Variants in SNX18 observed in about 807,000 individuals in gnomAD.
The protein encoded by SNX18 is sorting nexin 18.
Under a neutral mutation model 48.7 loss-of-function variants are expected in SNX18, and 35 were observed. The observed-to-expected ratio is 0.72, with a 90% confidence interval of 0.55 to 0.95. SNX18 has a LOEUF of 0.95. Among genes scored for constraint, SNX18 ranks in the 40% least tolerant of loss-of-function variants. The pLI, the probability that SNX18 is intolerant of heterozygous loss-of-function variation, is 0.00. For missense variants in SNX18, 824 were observed against 871.0 expected (o/e 0.95, Z 0.68); for synonymous variants, 492 against 384.7 (o/e 1.28, Z -3.26).
the SNX18 span, among the ~76,000 whole-genome samples, chr5:54,607,719 T>C: frequency 6.6e-6 from 1 of 152,060 alleles, no homozygotes; most frequent in African/African-American, 2.4e-5. Context: ...GATCACTTGA[T>C]GTCGGGAGTT....
chr5:54,585,877 T>C, the SNX18 span, among the ~76,000 whole-genome samples: 1 of 151,186 alleles, frequency 6.6e-6, no homozygotes, highest in East Asian at 1.9e-4. Context: ...TGGTGGCGGG[T>C]GCCTGTAGTC....
chr5:54,530,007 T>C (rs1762223362), intron 1 of SNX18, among the ~76,000 whole-genome samples: 1 of 152,120 alleles, frequency 6.6e-6, no homozygotes, highest in Non-Finnish European at 1.5e-5. Flanking sequence ...AGTGCCATGC[T>C]CCCTTCAGAG....
the SNX18 span, among the ~76,000 whole-genome samples, chr5:54,586,530 T>A: frequency 2.0e-5 from 3 of 152,244 alleles, no homozygotes; most frequent in African/African-American, 7.2e-5. Flanking sequence ...GGTCACCCCA[T>A]GACAGAGGGG....
At chr5:54,611,904 G>T in the SNX18 span, among the ~76,000 whole-genome samples, 4 of 151,422 alleles carry the variant, frequency 2.6e-5, no homozygotes, top group Non-Finnish European at 5.9e-5. Context: ...TAGAGACAGG[G>T]TCTTGTTCTG....
chr5:54,624,851 G>A, the SNX18 span, among the ~76,000 whole-genome samples: 1 of 152,224 alleles, frequency 6.6e-6, no homozygotes, highest in Admixed American at 6.5e-5. Context: ...CTCAGGGAGT[G>A]AATGGAGGGT....
chr5:54,524,164 T>G (rs888997216), intron 1 of SNX18, among the ~76,000 whole-genome samples: 10 of 152,206 alleles, frequency 6.6e-5, no homozygotes, highest in African/African-American at 2.4e-4. Context: ...TTGTGTTTTC[T>G]TAGTGAAAAT....
the SNX18 span, among the ~76,000 whole-genome samples, chr5:54,629,630 G>A: frequency 1.3e-5 from 2 of 152,218 alleles, no homozygotes; most frequent in East Asian, 3.9e-4. Context: ...TTACCTTGGT[G>A]AGTCTCCTTC....
At chr5:54,590,900 G>T in the SNX18 span, among the ~76,000 whole-genome samples, 2 of 152,090 alleles carry the variant, frequency 1.3e-5, no homozygotes, top group East Asian at 1.9e-4. Flanking sequence ...CTTGGTGCAT[G>T]ATGAGTAAAT....
intron 1 of SNX18, among the ~76,000 whole-genome samples, chr5:54,521,604 G>A (rs1286934331): frequency 2.0e-5 from 3 of 152,132 alleles, no homozygotes; most frequent in Non-Finnish European, 4.4e-5. Context: ...GGGAGGCTGA[G>A]GCTGGAGGAT....
the SNX18 span, among the ~76,000 whole-genome samples, chr5:54,639,308 A>C: frequency 5.3e-5 from 8 of 152,214 alleles, no homozygotes; most frequent in Non-Finnish European, 7.3e-5. Flanking sequence ...TTTTTCAGAA[A>C]AAGCAATGCA....
the SNX18 span, among the ~76,000 whole-genome samples, chr5:54,569,751 G>A: frequency 1.3e-5 from 2 of 152,134 alleles, no homozygotes; most frequent in Non-Finnish European, 2.9e-5. Context: ...CTAAGAGTGA[G>A]TGTTCTACCT....
chr5:54,534,268 C>A (rs17587824), intron 1 of SNX18, among the ~76,000 whole-genome samples: 1 of 149,178 alleles, frequency 6.7e-6, no homozygotes, highest in Admixed American at 6.7e-5. Context: ...GAAAATGTAG[C>A]CTTTGGATTC....
At chr5:54,624,768 C>G in the SNX18 span, among the ~76,000 whole-genome samples, 2 of 152,186 alleles carry the variant, frequency 1.3e-5, no homozygotes, top group African/African-American at 4.8e-5. Context: ...ATGATGGAAG[C>G]TAGGCATCCA....
At chr5:54,644,921 A>C in the SNX18 span, 1 of 152,176 alleles carries the variant, frequency 6.6e-6, no homozygotes, top group Non-Finnish European at 1.5e-5. Context: ...GGCTCAAGCC[A>C]CTCTTACTTT....
the SNX18 span, among the ~76,000 whole-genome samples, chr5:54,616,405 T>TC: frequency 0.013 from 1 of 78 alleles, no homozygotes; most frequent in Admixed American, 0.071. Context: ...AAATAGACTA[T>TC]GCATTATTAC....
the SNX18 span, among the ~76,000 whole-genome samples, chr5:54,592,251 A>G: frequency 6.6e-6 from 1 of 152,070 alleles, no homozygotes; most frequent in South Asian, 2.1e-4. Context: ...TGGCCTCCAC[A>G]ACTCCAGAAT....
the SNX18 span, among the ~76,000 whole-genome samples, chr5:54,630,345 A>G: frequency 0.026 from 3,964 of 152,232 alleles, 89 homozygotes; most frequent in Middle Eastern, 0.065. Flanking sequence ...GTGCGTGTGC[A>G]TGTGCAGAGA....
Position 54,517,949 on chromosome 5 carries a change from G to A in SNX18, c.-4G>A, listed in dbSNP as rs774235565. On this transcript the variant is annotated 5_prime_UTR_variant, in exon 1 of 2. Coordinates refer to ENST00000381410, the MANE Select transcript of SNX18 (RefSeq NM_001102575.2). ...TCGGGACCGCCAGTCGGGGCGCCGGGACCATGGCGCTGCGCGCCCGGGCGC... is the reference window on the plus strand; with the variant it reads ...TCGGGACCGCCAGTCGGGGCGCCGGAACCATGGCGCTGCGCGCCCGGGCGC... 8 of 1,508,476 alleles carry A rather than the reference G, an allele frequency of 5.3e-6. No homozygotes were observed. The highest frequency in any genetic ancestry group is 3.7e-5 in the South Asian group (3 of 81,220). 93.4% of individuals were successfully genotyped at this position (1,508,476 alleles called of 1,614,324 possible).
At chr5:54,571,697 A>T in the SNX18 span, among the ~76,000 whole-genome samples, 7 of 152,182 alleles carry the variant, frequency 4.6e-5, no homozygotes, top group Admixed American at 3.3e-4. Flanking sequence ...TCCTACCTGG[A>T]TGGAGAATTC....
Sources: allele counts gnomAD v4.1 joint callset (sites outside exome capture counted in the v4.1 genomes callset), GRCh38; gene constraint gnomAD v4.1.1; transcripts MANE v1.5; gene names NCBI Gene and HGNC (gene_info 2026-07-23, HGNC 2026-07-21).